The following SOX30 variants were observed in gnomAD, a reference collection of about 807,000 sequenced individuals.
SOX30 encodes the protein transcription factor SOX-30.
SOX30 carries 17 observed loss-of-function variants against 58.6 expected under a neutral mutation model. The ratio of observed to expected loss-of-function variants is 0.29; its 90% CI spans 0.20 to 0.44. The LOEUF (loss-of-function observed/expected upper bound fraction) is 0.44, where lower values mean the gene tolerates loss of function less well. Ranked by LOEUF, SOX30 falls within the 20% of genes least tolerant of loss-of-function variation. SOX30 has a pLI of 1.00. For missense variants in SOX30, 951 were observed against 965.8 expected (o/e 0.98, Z 0.20); for synonymous variants, 421 against 400.2 (o/e 1.05, Z -0.62).
chr5:157,648,540 T>G, intron 2 of SOX30, 117 bp downstream of exon 2: 1 of 909,984 alleles, frequency 1.1e-6, no homozygotes, highest in Non-Finnish European at 1.7e-6. Context: ...ATTATTCTCT[T>G]TATTGTACAT....
chr5:157,633,737 A>G (rs781654690), intron 4 of SOX30, among the ~76,000 whole-genome samples: 28 of 152,096 alleles, frequency 1.8e-4, no homozygotes, highest in Non-Finnish European at 4.0e-4. Flanking sequence ...TACAATTTAG[A>G]TGCTATTTCT....
chr5:157,669,765 C>A (rs1386965365), intron 1 of SOX30, among the ~76,000 whole-genome samples: 1 of 152,058 alleles, frequency 6.6e-6, no homozygotes, highest in Admixed American at 6.6e-5. Flanking sequence ...GTGATCCGCC[C>A]GCCTTAGCCT....
At chr5:157,636,852 G>GTT (rs1758940211) in intron 4 of SOX30, among the ~76,000 whole-genome samples, 1 of 152,136 alleles carries the variant, frequency 6.6e-6, no homozygotes, top group Admixed American at 6.6e-5. Context: ...GCTAGGCCGG[G>GTT]AATGGTGGTT....
upstream of SOX30, among the ~76,000 whole-genome samples, chr5:157,656,901 T>C (rs1759483550): frequency 6.6e-6 from 1 of 152,236 alleles, no homozygotes; most frequent in South Asian, 2.1e-4. Flanking sequence ...TATTCAGTTT[T>C]TCTATAAATT....
chr5:157,627,480 T>C (rs1758686472), intron 4 of SOX30, among the ~76,000 whole-genome samples: 1 of 152,120 alleles, frequency 6.6e-6, no homozygotes, highest in Non-Finnish European at 1.5e-5. Context: ...GGGAAATGTA[T>C]AACTAGATTG....
At chr5:157,626,855 C>CTGCTCTTT (rs1165640337) in intron 4 of SOX30, 134 bp from the exon 5 acceptor site, 10 of 948,608 alleles carry the variant, frequency 1.1e-5, no homozygotes, top group Non-Finnish European at 1.5e-5. Flanking sequence ...ATGTATTCCT[C>CTGCTCTTT]TGCTCTTTTC....
At chr5:157,641,690 C>T (rs1039418855) in intron 3 of SOX30, among the ~76,000 whole-genome samples, 1 of 152,182 alleles carries the variant, frequency 6.6e-6, no homozygotes, top group Non-Finnish European at 1.5e-5. Flanking sequence ...TATATCTATA[C>T]TTGCTACGAC....
chr5:157,667,276 T>G (rs910752649), intron 2 of SOX30, among the ~76,000 whole-genome samples: 1 of 152,190 alleles, frequency 6.6e-6, no homozygotes, highest in Admixed American at 6.5e-5. Flanking sequence ...TGCCTGAAGT[T>G]CTATGATGGT....
In SOX30 at chr5:157,671,314, G is replaced by C. The variant is rs893209666; in HGVS notation, c.-4+16C>G. On this transcript the variant is annotated intron_variant, in intron 1 of 5. Transcript: ENST00000519442. ...GCAGTCCCCACGTCGAAGCGGAAAA[G>C]GTCTGCTCAGCTCACCGCACCCCAC... 23 of 421,670 alleles carry C rather than the reference G, an allele frequency of 5.5e-5. No individual in the cohort carries two copies. The Middle Eastern group carries it at 2.5e-3, about 45-fold the overall frequency. 26.1% of individuals were successfully genotyped at this position (421,670 alleles called of 1,614,324 possible). A position where few individuals can be genotyped will look rare whatever the true frequency, so the allele number is the denominator to read the frequency against.
At position 157,638,740 on chromosome 5, in the gene SOX30, G is replaced by A; in HGVS notation, c.1388-18C>T. ...GGTTTCACCTTTAGAAATAAAAATA[G>A]CATAAATCAAGAATTAACTGAGTCA... On this transcript the variant is annotated intron_variant, in intron 3 of 4. Coordinates refer to ENST00000265007, the MANE Select transcript of SOX30 (RefSeq NM_178424.2). 2 of 1,566,820 alleles carry A rather than the reference G, an allele frequency of 1.3e-6. No homozygotes were observed. The highest frequency in any genetic ancestry group is 1.7e-6 in the Non-Finnish European group (2 of 1,157,942).
At chr5:157,629,503 T>G (rs1391142776) in intron 4 of SOX30, among the ~76,000 whole-genome samples, 2 of 152,208 alleles carry the variant, frequency 1.3e-5, no homozygotes, top group Non-Finnish European at 2.9e-5. Context: ...AAAGACGAGT[T>G]CGTGTTATAT....
At chr5:157,650,107 T>A (rs1215847363) in intron 1 of SOX30, among the ~76,000 whole-genome samples, 1 of 152,146 alleles carries the variant, frequency 6.6e-6, no homozygotes, top group Non-Finnish European at 1.5e-5. Flanking sequence ...TAAATTCACA[T>A]CTCTCATGTA....
chr5:157,650,562 T>C (rs1759303053), intron 1 of SOX30, among the ~76,000 whole-genome samples: 1 of 152,202 alleles, frequency 6.6e-6, no homozygotes. Context: ...TTCTTTTCAA[T>C]ATTTCTATAA....
chr5:157,643,782 A>C (rs1335076142), intron 3 of SOX30, among the ~76,000 whole-genome samples: 1 of 152,208 alleles, frequency 6.6e-6, no homozygotes, highest in Non-Finnish European at 1.5e-5. Context: ...TCATATTTAG[A>C]ATATGAAATT....
At chr5:157,631,814 C>T (rs962135585) in intron 4 of SOX30, among the ~76,000 whole-genome samples, 1 of 148,440 alleles carries the variant, frequency 6.7e-6, no homozygotes, top group Non-Finnish European at 1.5e-5. Flanking sequence ...CCTGTTAATT[C>T]CAGCACTTTG....
intron 2 of SOX30, among the ~76,000 whole-genome samples, chr5:157,666,327 A>C (rs1350080283): frequency 6.6e-6 from 1 of 151,722 alleles, no homozygotes; most frequent in Non-Finnish European, 1.5e-5. Flanking sequence ...TGCCTGGCTA[A>C]TTTTTGTATT....
At chr5:157,641,707 A>G (rs927063435) in intron 3 of SOX30, among the ~76,000 whole-genome samples, 2 of 152,214 alleles carry the variant, frequency 1.3e-5, no homozygotes, top group African/African-American at 2.4e-5. Context: ...CGACTACCTA[A>G]CGAACTCTTT....
intron 4 of SOX30, among the ~76,000 whole-genome samples, chr5:157,635,710 T>C (rs1758912158): frequency 6.6e-6 from 1 of 152,194 alleles, no homozygotes; most frequent in African/African-American, 2.4e-5. Context: ...AATTTATACA[T>C]TAACAGTCAA....
chr5:157,652,432 C>T lies in SOX30; in HGVS notation c.-354G>A, dbSNP rs143580325. ...GTCATCCCTCCCCCACCCGGAGCTGCGACAATGGCGTTGCCCAGGAAACGT... is the reference window on the plus strand; with the variant it reads ...GTCATCCCTCCCCCACCCGGAGCTGTGACAATGGCGTTGCCCAGGAAACGT... On this transcript the variant is annotated 5_prime_UTR_variant, in exon 1 of 5. Transcript: ENST00000265007. 495 of 1,016,170 alleles carry T rather than the reference C, an allele frequency of 4.9e-4. 8 individuals carry two copies. In the East Asian group the frequency reaches 0.032, roughly 65 times the overall value. The allele number at this position is 1,016,170 out of a possible 1,614,324, so 62.9% of individuals were successfully genotyped here. A position where few individuals can be genotyped will look rare whatever the true frequency, so the allele number is the denominator to read the frequency against.
Sources: gnomAD v4.1 joint callset for allele counts (sites outside exome capture counted in the v4.1 genomes callset) on GRCh38, gnomAD v4.1.1 for gene constraint, MANE v1.5 for transcripts, NCBI Gene and HGNC (gene_info 2026-07-23, HGNC 2026-07-21) for gene names.